The following STK11IP variants were observed in gnomAD, a reference collection of about 807,000 sequenced individuals.
STK11IP encodes serine/threonine kinase 11 interacting protein, also known as serine/threonine-protein kinase 11-interacting protein.
Under a neutral mutation model 131.7 loss-of-function variants are expected in STK11IP, and 103 were observed. The ratio of observed to expected loss-of-function variants is 0.78; its 90% confidence interval spans 0.67 to 0.92. The LOEUF is 0.92. STK11IP is among the 40% of genes least tolerant of loss of function. STK11IP has a pLI of 0.00. For missense variants in STK11IP, 1,315 were observed against 1,385.7 expected (o/e 0.95, Z 0.81); for synonymous variants, 557 against 575.6 (o/e 0.97, Z 0.46).
intron 20 of STK11IP, 50 bp from the exon 21 acceptor site, chr2:219,613,702 T>C (rs775034729): frequency 3.1e-6 from 5 of 1,609,258 alleles, no homozygotes; most frequent in South Asian, 2.2e-5. Flanking sequence ...TCTCTGGGAC[T>C]CTCACTCCAC....
intron 13 of STK11IP, 94 bp from the exon 14 acceptor site, chr2:219,607,953 C>T: frequency 6.6e-7 from 1 of 1,508,418 alleles, no homozygotes; most frequent in Non-Finnish European, 8.9e-7. Flanking sequence ...ATACACAGCC[C>T]ATCGCCCCCT....
At chr2:219,615,672 A>G in intron 24 of STK11IP, 2 of 643,028 alleles carry the variant, frequency 3.1e-6, no homozygotes, top group Non-Finnish European at 5.9e-6. Context: ...TGTGACCACC[A>G]CCTGAGGAGA....
rs1698187867 is a variant in STK11IP at position 219,606,940 on chromosome 2, A to G, written c.1134+82A>G. ...TGGGCTACAGTGGGCAGGGAATGGT[A>G]GGAACTGTGCTTGCACGTGGTCAAG... On this transcript the variant is annotated intron_variant, in intron 12 of 24. Coordinates refer to ENST00000456909, the MANE Select transcript of STK11IP (RefSeq NM_052902.4). The G allele has an allele frequency of 5.7e-6, 9 of 1,588,748 alleles. No individual in the cohort carries two copies. In the Middle Eastern group the frequency reaches 5.2e-4, roughly 91 times the overall value.
intron 24 of STK11IP, 59 bp from the exon 25 acceptor site, chr2:219,615,985 T>C: frequency 6.3e-7 from 1 of 1,592,454 alleles, no homozygotes; most frequent in Non-Finnish European, 8.6e-7. Context: ...AGACCTCCCT[T>C]GTACCCACCC....
intron 7 of STK11IP, among the ~76,000 whole-genome samples, chr2:219,603,019 A>G (rs1162943054): frequency 6.6e-6 from 1 of 151,674 alleles, no homozygotes; most frequent in African/African-American, 2.4e-5. Context: ...GTAAAGTAGA[A>G]ATCACAAGAG....
At chr2:219,615,914 A>T (rs1200927824) in intron 24 of STK11IP, 130 bp from the exon 25 acceptor site, 1 of 1,186,330 alleles carries the variant, frequency 8.4e-7, no homozygotes, top group Non-Finnish European at 1.2e-6. Context: ...ATGGGGAGTG[A>T]CATGGGCCTG....
In STK11IP at chr2:219,613,888, C is replaced by T. The variant is rs199612477; in HGVS notation, c.2674C>T (p.Arg892Ter). The part of the protein sequence containing the change: ...AGAGRCVLLP[R>*]DARHCRAFLE... Reference sequence around the variant, plus strand: ...GGCGGGCCGCTGTGTGCTGCTGCCCCGAGATGCCAGGCATTGCCGGGCCTT... The same window carrying T: ...GGCGGGCCGCTGTGTGCTGCTGCCCTGAGATGCCAGGCATTGCCGGGCCTT... Residue 892 changes from arginine to a stop codon, truncating the protein, a stop_gained, in exon 21 of 25, where the codon CGA becomes TGA. Transcript: ENST00000456909. LOFTEE classifies it high-confidence loss of function. 12 of 1,599,842 alleles carry T rather than the reference C, an allele frequency of 7.5e-6. No homozygotes were observed. The highest frequency in any genetic ancestry group is 3.3e-4 in the Middle Eastern group (2 of 5,998).
chr2:219,601,768 C>T lies in STK11IP; in HGVS notation c.342+53C>T. The T allele has an allele frequency of 1.9e-6, 3 of 1,556,078 alleles. No individual in the cohort carries two copies. In the South Asian group the frequency reaches 3.5e-5, roughly 18 times the overall value. On this transcript the variant is annotated intron_variant, in intron 4 of 24. Coordinates refer to ENST00000456909, the MANE Select transcript of STK11IP (RefSeq NM_052902.4). ...CACAGCACCCAACTTGAGGCAGCCCCTTGGGGATGGGAAAGAGAAGAGCCT... is the reference window on the plus strand; with the variant it reads ...CACAGCACCCAACTTGAGGCAGCCCTTTGGGGATGGGAAAGAGAAGAGCCT...
Position 219,612,970 on chromosome 2 carries a change from A to T in STK11IP, c.2440-158A>T, listed in dbSNP as rs372061449. The T allele has an allele frequency of 3.0e-3, 1,849 of 611,578 alleles. 14 individuals carry two copies. Among genetic ancestry groups the T allele is most frequent in the South Asian group, 0.011 (616 of 54,812 alleles). 37.9% of individuals were successfully genotyped at this position (611,578 alleles called of 1,614,324 possible). A position where few individuals can be genotyped will look rare whatever the true frequency, so the allele number is the denominator to read the frequency against. ...GCTGCAAGGCAGAGAGCGGTGGTGG[A>T]TGAAGAGGCTGTCGAGTGTGAGGGA... On this transcript the variant is annotated intron_variant, in intron 19 of 24. Transcript: ENST00000456909.
At chr2:219,604,084 G>A (rs1324952674) in intron 7 of STK11IP, among the ~76,000 whole-genome samples, 2 of 152,148 alleles carry the variant, frequency 1.3e-5, no homozygotes, top group African/African-American at 4.8e-5. Flanking sequence ...CTGGGAGATG[G>A]GAGCCCTGTC....
intron 20 of STK11IP, 139 bp from the exon 21 acceptor site, chr2:219,613,613 G>A: frequency 1.1e-6 from 1 of 914,884 alleles, no homozygotes. Context: ...GGGAGGAGAT[G>A]GAATGAGGGG....
At position 219,615,116 on chromosome 2, in the gene STK11IP, CCTGTTG is replaced by C; in HGVS notation, c.2896_2901del (p.Leu966_Leu967del). 1 of 1,609,724 alleles carries C rather than the reference CCTGTTG, an allele frequency of 6.2e-7. No homozygotes were observed. The highest frequency in any genetic ancestry group is 1.3e-5 in the African/African-American group (1 of 75,020). On this transcript the variant is annotated inframe_deletion, in exon 24 of 25. Transcript: ENST00000456909. The stretch of plus-strand genomic sequence containing the variant: ...CAGGCCCTTCCACCTGCCTCGTATC[CCTGTTG>C]CTGACTCCGTCCACCCTGTTCCTGT...
In STK11IP at chr2:219,606,457, C is replaced by G. The variant is rs577305185; in HGVS notation, c.946-19C>G. On this transcript the variant is annotated intron_variant, in intron 10 of 24. Transcript: ENST00000456909. ...ATGGGCCTACCACATACTCCCTCCC[C>G]CTTTTTGTCTTTGCTCAGTTCCTTC... The G allele has an allele frequency of 1.7e-5, 27 of 1,609,100 alleles. 1 individual carries two copies. In the South Asian group the frequency reaches 2.3e-4, roughly 14 times the overall value.
chr2:219,609,129 C>T lies in STK11IP; in HGVS notation c.1842C>T (p.Leu614=), dbSNP rs1219310482. The T allele has an allele frequency of 6.2e-7, 1 of 1,608,426 alleles. No individual in the cohort carries two copies. The highest frequency in any genetic ancestry group is 2.2e-5 in the East Asian group (1 of 44,668). The part of the protein sequence containing the change: ...GSDLLPGAPI[L]SLRFSYICPD... ...ATCTGCTCCCTGGAGCCCCCATCCT[C>T]AGTCTGCGCTTCTCCTACATCTGCC... The change falls in exon 16 of 25, where the codon CTC becomes CTT. Residue 614 remains leucine, a synonymous_variant. Coordinates refer to ENST00000456909, the MANE Select transcript of STK11IP (RefSeq NM_052902.4).
intron 23 of STK11IP, 58 bp downstream of exon 23, chr2:219,614,604 C>A: frequency 6.5e-7 from 1 of 1,547,406 alleles, no homozygotes; most frequent in Non-Finnish European, 8.9e-7. Flanking sequence ...TTGTCACAGG[C>A]ACTGGCCCAC....
intron 5 of STK11IP, among the ~76,000 whole-genome samples, 184 bp from the exon 6 acceptor site, chr2:219,602,284 C>T (rs953371208): frequency 6.6e-6 from 1 of 152,230 alleles, no homozygotes; most frequent in Admixed American, 6.5e-5. Context: ...ATTACATATT[C>T]TAGTGTCTAC....
chr2:219,603,338 G>T (rs1037642729), intron 7 of STK11IP, among the ~76,000 whole-genome samples: 1 of 151,912 alleles, frequency 6.6e-6, no homozygotes, highest in East Asian at 1.9e-4. Flanking sequence ...CACCACGCCC[G>T]GCTGAATACC....
intron 13 of STK11IP, 52 bp from the exon 14 acceptor site, chr2:219,607,995 G>C: frequency 6.4e-7 from 1 of 1,571,296 alleles, no homozygotes; most frequent in African/African-American, 1.3e-5. Flanking sequence ...AAGGATTTGG[G>C]GCCATCTGTG....
At chr2:219,606,933 G>T in intron 12 of STK11IP, 75 bp downstream of exon 12, 1 of 1,585,216 alleles carries the variant, frequency 6.3e-7, no homozygotes, top group East Asian at 2.3e-5. Context: ...AGTGGGCAGG[G>T]AATGGTAGGA....
Sources: gnomAD v4.1 joint callset for allele counts (sites outside exome capture counted in the v4.1 genomes callset) on GRCh38, gnomAD v4.1.1 for gene constraint, MANE v1.5 for transcripts, NCBI Gene and HGNC (gene_info 2026-07-23, HGNC 2026-07-21) for gene names.